The following PRR33 variants were observed in gnomAD, a reference collection of about 807,000 sequenced individuals.
The protein encoded by PRR33 is proline rich 33, also known as proline-rich protein 33.
PRR33 carries 1 observed loss-of-function variant against 0.5 expected under a neutral mutation model. The ratio of observed to expected loss-of-function variants is 2.18; its 90% CI spans 0.77 to 10.34. PRR33 has a LOEUF of 10.34. Among genes scored for constraint, PRR33 ranks in the 30% most tolerant of loss-of-function variants. The pLI, the probability that PRR33 is intolerant of heterozygous loss-of-function variation, is 0.13. For synonymous variants in PRR33, 226 were observed against 110.0 expected, an observed-to-expected ratio of 2.06 and a Z score of -6.60; for missense variants, 552 against 251.8, an observed-to-expected ratio of 2.19 and a Z score of -8.07.
At chr11:1,915,020 TGTG>T in the PRR33 span, among the ~76,000 whole-genome samples, 5 of 149,728 alleles carry the variant, frequency 3.3e-5, no homozygotes, top group African/African-American at 7.4e-5. Context: ...GTGTGTGTGT[TGTG>T]GGGACACACG....
chr11:1,909,606 TCAAAAA>T, the PRR33 span, among the ~76,000 whole-genome samples: 4 of 152,058 alleles, frequency 2.6e-5, no homozygotes, highest in African/African-American at 7.2e-5. Context: ...AGACTCCGTC[TCAAAAA>T]CAAAAACAAA....
At chr11:1,895,404 A>T (rs1482698133), upstream of PRR33, among the ~76,000 whole-genome samples, 1 of 152,202 alleles carries the variant, frequency 6.6e-6, no homozygotes, top group East Asian at 1.9e-4. Flanking sequence ...AAGTGCTGGG[A>T]TTACAGGCGT....
the PRR33 span, among the ~76,000 whole-genome samples, chr11:1,902,211 G>A: frequency 1.4e-5 from 2 of 147,140 alleles, no homozygotes; most frequent in East Asian, 2.0e-4. Context: ...CAGCCTGGGC[G>A]ACAGAGTGAG....
the PRR33 span, among the ~76,000 whole-genome samples, chr11:1,906,352 G>C: frequency 6.6e-6 from 1 of 151,968 alleles, no homozygotes; most frequent in African/African-American, 2.4e-5. Flanking sequence ...TTATTTTAGG[G>C]GTTGACTTGG....
the PRR33 span, among the ~76,000 whole-genome samples, chr11:1,908,732 T>C: frequency 2.6e-5 from 4 of 152,200 alleles, no homozygotes; most frequent in Non-Finnish European, 5.9e-5. Context: ...GAATGTGCTG[T>C]TTTGGCTCCT....
At chr11:1,913,057 CT>C in the PRR33 span, among the ~76,000 whole-genome samples, 1 of 152,066 alleles carries the variant, frequency 6.6e-6, no homozygotes, top group Admixed American at 6.6e-5. Context: ...TAGATGCATA[CT>C]TATTAATACT....
chr11:1,901,977 A>G, the PRR33 span, among the ~76,000 whole-genome samples: 1 of 152,184 alleles, frequency 6.6e-6, no homozygotes, highest in Non-Finnish European at 1.5e-5. Flanking sequence ...TCACGCCTGT[A>G]ATCCCAGCAC....
the PRR33 span, among the ~76,000 whole-genome samples, chr11:1,902,305 C>G: frequency 0.019 from 2,944 of 151,784 alleles, 174 homozygotes; most frequent in East Asian, 0.23. Flanking sequence ...GTGGCTACTG[C>G]TTCTTAGCTG....
the PRR33 span, among the ~76,000 whole-genome samples, chr11:1,908,818 C>T: frequency 6.6e-6 from 1 of 152,164 alleles, no homozygotes; most frequent in Non-Finnish European, 1.5e-5. Flanking sequence ...CAGGGTCGAA[C>T]AGTAATGGTA....
At chr11:1,909,121 A>AGTG in the PRR33 span, among the ~76,000 whole-genome samples, 1 of 152,226 alleles carries the variant, frequency 6.6e-6, no homozygotes, top group Non-Finnish European at 1.5e-5. Flanking sequence ...ATGGTAGCTC[A>AGTG]CGCCTGTAAT....
At chr11:1,898,935 A>C in the PRR33 span, among the ~76,000 whole-genome samples, 3 of 152,108 alleles carry the variant, frequency 2.0e-5, no homozygotes, top group Admixed American at 1.3e-4. Context: ...TGGGAGGCAA[A>C]GGTTGCTGTG....
At chr11:1,912,357 G>A in the PRR33 span, among the ~76,000 whole-genome samples, 1 of 151,946 alleles carries the variant, frequency 6.6e-6, no homozygotes, top group Non-Finnish European at 1.5e-5. Flanking sequence ...ATTAGTCTAT[G>A]CAAGGTTTGA....
At chr11:1,890,251 G>A (rs1049837096) in exon 1 of PRR33, 8 of 715,734 alleles carry the variant, frequency 1.1e-5, no homozygotes, top group East Asian at 8.1e-5. Context: ...GGGGAGCGGG[G>A]TAGGGCAGCC....
chr11:1,894,928 C>T (rs984476085), upstream of PRR33, among the ~76,000 whole-genome samples: 8 of 152,172 alleles, frequency 5.3e-5, no homozygotes, highest in African/African-American at 1.4e-4. Flanking sequence ...TGGTTCATCT[C>T]GCTGACTTTG....
At chr11:1,888,906 C>A in exon 1 of PRR33, 1 of 462,162 alleles carries the variant, frequency 2.2e-6, no homozygotes. Context: ...CTCTGTTCCC[C>A]TCACACCACT....
At chr11:1,912,120 C>T in the PRR33 span, among the ~76,000 whole-genome samples, 2 of 151,314 alleles carry the variant, frequency 1.3e-5, no homozygotes, top group Admixed American at 1.3e-4. Flanking sequence ...CTGCAGTGAG[C>T]CAGGATCTCA....
At chr11:1,914,998 T>G in the PRR33 span, among the ~76,000 whole-genome samples, 1 of 148,762 alleles carries the variant, frequency 6.7e-6, no homozygotes, top group African/African-American at 2.5e-5. Flanking sequence ...AACCTGGGGA[T>G]GATATTTCTC....
the PRR33 span, among the ~76,000 whole-genome samples, chr11:1,914,855 G>GTT: frequency 4.7e-5 from 4 of 85,506 alleles, no homozygotes; most frequent in Non-Finnish European, 1.0e-4. Context: ...AGATGTTTCT[G>GTT]TGTGTGTGTG....
At chr11:1,913,284 G>C in the PRR33 span, among the ~76,000 whole-genome samples, 2 of 148,386 alleles carry the variant, frequency 1.3e-5, no homozygotes. Context: ...CCACCACCAC[G>C]CCCAGCTAAC....
Sources: gnomAD v4.1 joint callset for allele counts (sites outside exome capture counted in the v4.1 genomes callset) on GRCh38, gnomAD v4.1.1 for gene constraint, MANE v1.5 for transcripts, NCBI Gene and HGNC (gene_info 2026-07-23, HGNC 2026-07-21) for gene names.